The following MTR variants were observed in gnomAD, a reference collection of about 807,000 sequenced individuals.
The protein encoded by MTR is methionine synthase.
A neutral mutation model predicts 154.8 loss-of-function variants in MTR; 84 were observed. The ratio of observed to expected loss-of-function variants is 0.54; its 90% CI spans 0.45 to 0.65. The LOEUF (loss-of-function observed/expected upper bound fraction) is 0.65. Ranked by LOEUF, MTR falls within the 30% of genes least tolerant of loss-of-function variation. The pLI, the probability that MTR is intolerant of heterozygous loss-of-function variation, is 0.00. For synonymous variants in MTR, 554 were observed against 553.9 expected, an observed-to-expected ratio of 1.00 and a Z score of 0.00; for missense variants, 1,275 against 1,570.2, an observed-to-expected ratio of 0.81 and a Z score of 3.18.
intron 22 of MTR, among the ~76,000 whole-genome samples, chr1:236,871,591 A>G (rs1376220741): frequency 4.6e-5 from 7 of 151,982 alleles, no homozygotes; most frequent in Admixed American, 2.6e-4. Flanking sequence ...TCCTAGTTTT[A>G]TATGTGACAG....
intron 27 of MTR, among the ~76,000 whole-genome samples, chr1:236,886,788 C>G (rs1469011366): frequency 1.3e-5 from 2 of 152,168 alleles, no homozygotes; most frequent in Admixed American, 1.3e-4. Context: ...GGAAACCTGC[C>G]TGGGTGGTAC....
intron 28 of MTR, 67 bp downstream of exon 28, chr1:236,889,403 C>T (rs972041634): frequency 9.4e-6 from 15 of 1,598,712 alleles, no homozygotes; most frequent in South Asian, 5.5e-5. Flanking sequence ...CTTTGAAGAC[C>T]GGAATCGGTG....
In MTR at chr1:236,830,508, A is replaced by G. The variant is rs186645384; in HGVS notation, c.1075+1240A>G. Among the ~76,000 whole-genome samples the G allele has an allele frequency of 1.3e-4, 20 of 152,362 alleles. No individual in the cohort carries two copies. The East Asian group carries it at 3.7e-3, about 28-fold the overall frequency. ...AAATTGCTTTAAACAATCACCTTCC[A>G]TCAGATTTTAAAAGAGTGACATCAA... On this transcript the variant is annotated intron_variant, in intron 12 of 32. Transcript: ENST00000366577.
chr1:236,900,004 T>C lies in MTR; in HGVS notation c.*2360T>C, dbSNP rs1203528503. On this transcript the variant is annotated 3_prime_UTR_variant, in exon 33 of 33. Transcript: ENST00000366577. ...CAGGCACCACTGCTTTAAAAAACAA[T>C]TATCCCTTACAGACTTGAACATTTG... The C allele has an allele frequency of 1.9e-5, 4 of 207,450 alleles. No homozygotes were observed. The highest frequency in any genetic ancestry group is 4.0e-5 in the Non-Finnish European group (4 of 98,968). 12.9% of individuals were successfully genotyped at this position (207,450 alleles called of 1,614,324 possible). A position where few individuals can be genotyped will look rare whatever the true frequency, so the allele number is the denominator to read the frequency against.
At chr1:236,813,602 A>C (rs1440916904) in intron 6 of MTR, among the ~76,000 whole-genome samples, 1 of 152,088 alleles carries the variant, frequency 6.6e-6, no homozygotes, top group Non-Finnish European at 1.5e-5. Flanking sequence ...TGTAGTTTTA[A>C]TTTGTATTTT....
intron 15 of MTR, among the ~76,000 whole-genome samples, chr1:236,839,062 G>T (rs1186428167): frequency 6.6e-6 from 1 of 152,184 alleles, no homozygotes; most frequent in Non-Finnish European, 1.5e-5. Flanking sequence ...AACCATTGTT[G>T]TTTATATGAT....
At chr1:236,850,738 A>T (rs926423214) in intron 16 of MTR, among the ~76,000 whole-genome samples, 30 of 152,288 alleles carry the variant, frequency 2.0e-4, no homozygotes, top group African/African-American at 7.0e-4. Flanking sequence ...ACAGAGCCTG[A>T]TGAACTCGCT....
rs975539398 is a variant in MTR at position 236,816,634 on chromosome 1, A to C, written c.764+91A>C. Reference sequence around the variant, plus strand: ...TGTGACCTGGGAGGGGATTGCTTCTACATATTTTCACTGTACCACTTCTGC... The same window carrying C: ...TGTGACCTGGGAGGGGATTGCTTCTCCATATTTTCACTGTACCACTTCTGC... On this transcript the variant is annotated intron_variant, in intron 8 of 32. Coordinates refer to ENST00000366577, the MANE Select transcript of MTR (RefSeq NM_000254.3). 22 of 1,004,354 alleles carry C rather than the reference A, an allele frequency of 2.2e-5. No homozygotes were observed. The African/African-American group carries it at 3.3e-4, about 15-fold the overall frequency. The allele number at this position is 1,004,354 out of a possible 1,614,324, so 62.2% of individuals were successfully genotyped here. A position where few individuals can be genotyped will look rare whatever the true frequency, so the allele number is the denominator to read the frequency against.
At chr1:236,880,117 C>T (rs146044776) in intron 24 of MTR, among the ~76,000 whole-genome samples, 1 of 152,236 alleles carries the variant, frequency 6.6e-6, no homozygotes, top group East Asian at 1.9e-4. Flanking sequence ...GCCGAGATTG[C>T]ACCACTGCAC....
intron 16 of MTR, among the ~76,000 whole-genome samples, chr1:236,851,462 T>G (rs903599838): frequency 2.8e-5 from 4 of 143,274 alleles, no homozygotes; most frequent in Non-Finnish European, 5.9e-5. Context: ...TGAATTATAG[T>G]GCCATTGGCT....
At chr1:236,876,060 G>A (rs964527297) in intron 24 of MTR, among the ~76,000 whole-genome samples, 12 of 152,144 alleles carry the variant, frequency 7.9e-5, no homozygotes, top group Admixed American at 2.0e-4. Flanking sequence ...CAACATAGTG[G>A]AGGATAATGT....
At position 236,795,552 on chromosome 1, in the gene MTR, C is replaced by T; in HGVS notation, c.-152C>T. On this transcript the variant is annotated 5_prime_UTR_variant, in exon 1 of 33. Transcript: ENST00000366577. ...GCGGGCTTTCGGGGTCCGCAGTCCC[C>T]CCGCGACGCGAGCCAACGGGAGGCG... 1.3e-6 allele frequency: 2 copies of T among 1,542,840 alleles called. No homozygotes were observed. Among genetic ancestry groups the T allele is most frequent in the Non-Finnish European group, 1.7e-6 (2 of 1,149,420 alleles).
intron 2 of MTR, among the ~76,000 whole-genome samples, chr1:236,805,275 A>G (rs557551255): frequency 1.3e-5 from 2 of 152,138 alleles, no homozygotes; most frequent in Non-Finnish European, 2.9e-5. Flanking sequence ...AGGAGCATCA[A>G]GATCTTCAGG....
intron 16 of MTR, 98 bp from the exon 17 acceptor site, chr1:236,852,423 G>GTTTTTTTTTT: frequency 4.6e-6 from 4 of 875,636 alleles, no homozygotes; most frequent in Non-Finnish European, 7.6e-6. Flanking sequence ...GATGCTTTTT[G>GTTTTTTTTTT]TTTTTTTTTC....
At position 236,894,358 on chromosome 1, in the gene MTR, C is replaced by G. The variant is rs1010297301; in HGVS notation, c.3206C>G (p.Ala1069Gly). ...IATFYGLRQQ[A>G]EKDSASTEPY... ...ACTCCTACACTCCTTGGTTTTAAGG[C>G]TGAGAAGGACTCTGCCAGCACGGAG... The change falls in exon 30 of 33, where the codon GCT becomes GGT. Residue 1069 changes from alanine (A) to glycine (G), a missense_variant and splice_region_variant. Coordinates refer to ENST00000366577, the MANE Select transcript of MTR (RefSeq NM_000254.3). 6.2e-7 allele frequency: 1 copy of G among 1,614,218 alleles called. No homozygotes were observed. Among genetic ancestry groups the G allele is most frequent in the Non-Finnish European group, 8.5e-7 (1 of 1,180,038 alleles).
In MTR at chr1:236,889,062, A is replaced by G. The variant is rs1572338187; in HGVS notation, c.2852-119A>G. On this transcript the variant is annotated intron_variant, in intron 27 of 32. Transcript: ENST00000366577. ...TTCCCCTCTTTGTAAAACAACTCCT[A>G]CGGGTGACAGGAGGGAGGCGGAGTG... is the stretch of plus-strand genomic sequence containing the variant. 12 of 1,223,628 alleles carry G rather than the reference A, an allele frequency of 9.8e-6. No individual in the cohort carries two copies. In the East Asian group the frequency reaches 2.3e-4, roughly 24 times the overall value. The allele number at this position is 1,223,628 out of a possible 1,614,324, so 75.8% of individuals were successfully genotyped here.
At chr1:236,825,562 GCTAA>G (rs1662241998) in intron 10 of MTR, among the ~76,000 whole-genome samples, 163 bp downstream of exon 10, 1 of 152,120 alleles carries the variant, frequency 6.6e-6, no homozygotes, top group African/African-American at 2.4e-5. Context: ...ACAGGGGAGG[GCTAA>G]CTGTCAGCAT....
At chr1:236,858,131 T>TG (rs1242056659) in intron 18 of MTR, among the ~76,000 whole-genome samples, 1 of 152,248 alleles carries the variant, frequency 6.6e-6, no homozygotes, top group African/African-American at 2.4e-5. Context: ...TCCATTCTCA[T>TG]GCTGCTGATA....
intron 30 of MTR, chr1:236,895,042 C>G (rs754180946): frequency 4.8e-6 from 2 of 416,524 alleles, no homozygotes. Context: ...GCTGTATGGT[C>G]CCAGCTGCTC....
Sources: allele counts gnomAD v4.1 joint callset (sites outside exome capture counted in the v4.1 genomes callset), GRCh38; gene constraint gnomAD v4.1.1; transcripts MANE v1.5; gene names NCBI Gene and HGNC (gene_info 2026-07-23, HGNC 2026-07-21).